CYP39A1: variants seen among roughly 807,000 people sequenced by gnomAD.
CYP39A1 encodes the protein 24-hydroxycholesterol 7-alpha-hydroxylase.
In CYP39A1, 49 loss-of-function variants were observed where a neutral mutation model predicts 58.1. The ratio of observed to expected loss-of-function variants is 0.84; its 90% CI spans 0.67 to 1.07. The LOEUF (loss-of-function observed/expected upper bound fraction) is 1.07. CYP39A1 is among the 50% of genes least tolerant of loss of function. The pLI, the probability that CYP39A1 is intolerant of heterozygous loss-of-function variation, is 0.00. For missense variants in CYP39A1, 531 were observed against 539.4 expected (o/e 0.98, Z 0.16); for synonymous variants, 209 against 187.6 (o/e 1.11, Z -0.93).
intron 10 of CYP39A1, among the ~76,000 whole-genome samples, chr6:46,561,876 G>A (rs1264490048): frequency 6.6e-6 from 1 of 152,110 alleles, no homozygotes; most frequent in Non-Finnish European, 1.5e-5. Context: ...AGAAATAGTG[G>A]TTACCAAAGG....
chr6:46,591,710 T>G (rs963828502), intron 8 of CYP39A1, among the ~76,000 whole-genome samples: 1 of 152,054 alleles, frequency 6.6e-6, no homozygotes, highest in Non-Finnish European at 1.5e-5. Context: ...CCAAAAAGTT[T>G]GAGAACTTCT....
intron 1 of CYP39A1, among the ~76,000 whole-genome samples, chr6:46,651,835 C>T (rs941670027): frequency 9.2e-5 from 14 of 152,134 alleles, no homozygotes; most frequent in Non-Finnish European, 1.9e-4. Flanking sequence ...AGGTCTGTTC[C>T]TTAAAGTGCT....
intron 1 of CYP39A1, among the ~76,000 whole-genome samples, chr6:46,650,111 T>TACACACACACACACACACACAC (rs3085603): frequency 3.4e-5 from 5 of 146,942 alleles, no homozygotes; most frequent in Admixed American, 6.8e-5. Flanking sequence ...TTACTACATT[T>TACACACACACACACACACACAC]ACACACACAC....
At position 46,587,181 on chromosome 6, in the gene CYP39A1, AT is replaced by A. The variant is rs200220385; in HGVS notation, c.1162-17del. 1.3e-4 allele frequency: 195 copies of A among 1,544,614 alleles called. No homozygotes were observed. The highest frequency in any genetic ancestry group is 5.1e-4 in the Middle Eastern group (3 of 5,930). ...TCCAACGTTCCTGTGGGAAGAAAACATTTTTTTTTCCAAATCAGCCTTATAT... is the reference window on the plus strand; with the variant it reads ...TCCAACGTTCCTGTGGGAAGAAAACATTTTTTTTCCAAATCAGCCTTATAT... On this transcript the variant is annotated splice_polypyrimidine_tract_variant and intron_variant, in intron 9 of 11. Transcript: ENST00000275016.
intron 7 of CYP39A1, among the ~76,000 whole-genome samples, chr6:46,623,602 T>C (rs1422145017): frequency 6.6e-6 from 1 of 152,180 alleles, no homozygotes; most frequent in Non-Finnish European, 1.5e-5. Flanking sequence ...CAGCCAATTT[T>C]TTATAATAAA....
At chr6:46,630,130 C>CAACAACAA (rs574156222) in intron 6 of CYP39A1, among the ~76,000 whole-genome samples, 1 of 151,294 alleles carries the variant, frequency 6.6e-6, no homozygotes, top group African/African-American at 2.4e-5. Context: ...ACAACAACAA[C>CAACAACAA]AAAAAAACCC....
At chr6:46,630,130 C>CAAAAA (rs151149430) in intron 6 of CYP39A1, among the ~76,000 whole-genome samples, 8,597 of 151,302 alleles carry the variant, frequency 0.057, 846 homozygotes, top group African/African-American at 0.2. Context: ...ACAACAACAA[C>CAAAAA]AAAAAAACCC....
chr6:46,652,519 G>A lies in CYP39A1; in HGVS notation c.64C>T (p.Gln22Ter), dbSNP rs945801522. 6.2e-7 allele frequency: 1 copy of A among 1,613,862 alleles called. No homozygotes were observed. The highest frequency in any genetic ancestry group is 1.1e-5 in the South Asian group (1 of 90,998). The stretch of plus-strand genomic sequence containing the variant: ...GGGGGTCTACGCAAATTCTTCCGCT[G>A]AAGGAGTAAGAACAGAGCAAGGCAA... ...LGCLALFLLLQRKNLRRPPCI... is the reference protein window; with the variant it reads ...LGCLALFLLL The change falls in exon 1 of 12, where the codon CAG becomes TAG. Residue 22 changes from glutamine (Q) to a stop codon, truncating the protein, a stop_gained. Transcript: ENST00000275016. LOFTEE classifies it high-confidence loss of function.
intron 10 of CYP39A1, among the ~76,000 whole-genome samples, chr6:46,575,437 A>T (rs987363407): frequency 2.6e-5 from 4 of 152,190 alleles, no homozygotes; most frequent in Admixed American, 6.5e-5. Context: ...AACCACATGC[A>T]GCCCAGCCTC....
chr6:46,584,739 A>G (rs1279518455), intron 10 of CYP39A1, among the ~76,000 whole-genome samples: 1 of 152,136 alleles, frequency 6.6e-6, no homozygotes, highest in Admixed American at 6.6e-5. Context: ...CTTAAGCCAC[A>G]TGCCTCTGTG....
At chr6:46,568,162 T>C (rs2150491191) in intron 10 of CYP39A1, among the ~76,000 whole-genome samples, 1 of 152,248 alleles carries the variant, frequency 6.6e-6, no homozygotes, top group South Asian at 2.1e-4. Context: ...ATTAGTGATG[T>C]TGAGCATCTT....
chr6:46,628,664 GAT>G (rs1379714681), intron 6 of CYP39A1, among the ~76,000 whole-genome samples: 2 of 152,148 alleles, frequency 1.3e-5, no homozygotes, highest in African/African-American at 4.8e-5. Context: ...AGGAGATATA[GAT>G]ATACTCTGGG....
chr6:46,625,313 G>A, intron 7 of CYP39A1, 105 bp downstream of exon 7: 1 of 745,062 alleles, frequency 1.3e-6, no homozygotes. Context: ...GTTGAATTTT[G>A]GATTATGTTG....
At chr6:46,620,348 C>T (rs1034086484) in intron 7 of CYP39A1, among the ~76,000 whole-genome samples, 60 of 152,278 alleles carry the variant, frequency 3.9e-4, no homozygotes, top group African/African-American at 1.4e-3. Flanking sequence ...ACCTTACTTG[C>T]AAGACTGTCT....
intron 8 of CYP39A1, among the ~76,000 whole-genome samples, chr6:46,588,830 C>T (rs1772638380): frequency 6.6e-6 from 1 of 152,106 alleles, no homozygotes; most frequent in South Asian, 2.1e-4. Flanking sequence ...CAATGTGTTT[C>T]CTCAGGTAGT....
intron 6 of CYP39A1, among the ~76,000 whole-genome samples, chr6:46,630,344 T>C (rs1002300793): frequency 6.6e-6 from 1 of 152,150 alleles, no homozygotes; most frequent in Non-Finnish European, 1.5e-5. Flanking sequence ...TAAATCCTCA[T>C]AACAACTTTG....
intron 7 of CYP39A1, among the ~76,000 whole-genome samples, chr6:46,617,989 T>C (rs1037191842): frequency 7.2e-5 from 11 of 152,084 alleles, no homozygotes; most frequent in African/African-American, 2.2e-4. Context: ...ACTATAAACA[T>C]TCAACAAAAC....
At chr6:46,566,801 T>TTA (rs1403652496) in intron 10 of CYP39A1, among the ~76,000 whole-genome samples, 1 of 151,656 alleles carries the variant, frequency 6.6e-6, no homozygotes, top group Non-Finnish European at 1.5e-5. Flanking sequence ...TAAATAAGAA[T>TTA]TATATATATA....
chr6:46,615,497 C>T (rs1474643813), intron 7 of CYP39A1, among the ~76,000 whole-genome samples: 1 of 151,930 alleles, frequency 6.6e-6, no homozygotes, highest in East Asian at 1.9e-4. Flanking sequence ...TAAAACAGTG[C>T]AATAATTAAC....
Sources: allele counts gnomAD v4.1 joint callset (sites outside exome capture counted in the v4.1 genomes callset), GRCh38; gene constraint gnomAD v4.1.1; transcripts MANE v1.5; gene names NCBI Gene and HGNC (gene_info 2026-07-23, HGNC 2026-07-21).